Variants in FBXO42 observed in about 807,000 individuals in gnomAD.
The protein encoded by FBXO42 is F-box only protein 42.
In FBXO42, 12 loss-of-function variants were observed where a neutral mutation model predicts 71.7. That is an observed-to-expected ratio of 0.17 (90% CI 0.11 to 0.27). FBXO42 has a LOEUF of 0.27. FBXO42 is among the 10% of genes least tolerant of loss of function. The pLI, the probability that FBXO42 is intolerant of heterozygous loss-of-function variation, is 1.00. For synonymous variants in FBXO42, 325 were observed against 327.5 expected, an observed-to-expected ratio of 0.99 and a Z score of 0.08; for missense variants, 707 against 911.9, an observed-to-expected ratio of 0.78 and a Z score of 2.89.
rs1316914080 is a variant in FBXO42, at chr1:16,252,911, C to T, written c.921+185G>A. On this transcript the variant is annotated intron_variant, in intron 8 of 9. Coordinates refer to ENST00000375592, the MANE Select transcript of FBXO42 (RefSeq NM_018994.3). This position sits in a 1 kb window ranked among gnomAD's most constrained non-coding sequence, Gnocchi z 4.4. ...ACAAATATCTATGATTAAAAGGATC[C>T]CCCCACAACCCTAAAAAAAAGCAGA... 6.6e-6 allele frequency among the ~76,000 whole-genome samples: 1 copy of T among 151,734 alleles called. No homozygotes were observed. Among genetic ancestry groups the T allele is most frequent in the African/African-American group, 2.4e-5 (1 of 41,272 alleles).
intron 6 of FBXO42, 69 bp downstream of exon 6, chr1:16,255,642 A>G: frequency 1.5e-6 from 2 of 1,342,850 alleles, no homozygotes; most frequent in Non-Finnish European, 1.0e-6. Context: ...TCCCTAATTC[A>G]CTTTTAAACC....
chr1:16,271,259 GT>G (rs1267884469), intron 4 of FBXO42, among the ~76,000 whole-genome samples: 91 of 3,196 alleles, frequency 0.028, no homozygotes, highest in Admixed American at 0.18. Flanking sequence ...GTGTGTGTTG[GT>G]GTGTGTGTGT....
chr1:16,335,963 C>T (rs1168597526), intron 1 of FBXO42, among the ~76,000 whole-genome samples: 1 of 151,680 alleles, frequency 6.6e-6, no homozygotes, highest in Non-Finnish European at 1.5e-5. Context: ...TGGAGTTTCG[C>T]TCTTGTTGCC....
At chr1:16,289,581 G>C (rs911052194) in intron 4 of FBXO42, among the ~76,000 whole-genome samples, 8 of 152,052 alleles carry the variant, frequency 5.3e-5, no homozygotes, top group Non-Finnish European at 1.0e-4. Context: ...TCTGCTTTAA[G>C]CTCCTCTAAC....
intron 1 of FBXO42, among the ~76,000 whole-genome samples, chr1:16,317,143 C>T (rs962626491): frequency 2.0e-5 from 3 of 151,136 alleles, no homozygotes; most frequent in African/African-American, 7.3e-5. Context: ...TTAGGCCGGG[C>T]GCAGTGGCTC....
At position 16,246,863 on chromosome 1, in the gene FBXO42, T is replaced by G. The variant is rs1218181151; in HGVS notation, c.*3807A>C. 2 of 152,208 alleles carry G rather than the reference T, an allele frequency of 1.3e-5. No individual in the cohort carries two copies. The highest frequency in any genetic ancestry group is 2.9e-5 in the Non-Finnish European group (2 of 68,040). 9.4% of individuals were successfully genotyped at this position (152,208 alleles called of 1,614,324 possible). On this transcript the variant is annotated 3_prime_UTR_variant, in exon 10 of 10. Coordinates refer to ENST00000375592, the MANE Select transcript of FBXO42 (RefSeq NM_018994.3). ...AGTTAAGACAATTGTCCATTTTATTTGTTAAATTGCTAAAAAGTCATCAGG... is the reference window on the plus strand; with the variant it reads ...AGTTAAGACAATTGTCCATTTTATTGGTTAAATTGCTAAAAAGTCATCAGG...
intron 2 of FBXO42, 99 bp from the exon 3 acceptor site, chr1:16,306,018 G>GT: frequency 1.1e-6 from 1 of 905,078 alleles, no homozygotes. Flanking sequence ...TTTTATACAA[G>GT]TTTCTTTTTT....
chr1:16,286,054 T>G (rs753611657), intron 4 of FBXO42, among the ~76,000 whole-genome samples: 1 of 151,956 alleles, frequency 6.6e-6, no homozygotes, highest in Non-Finnish European at 1.5e-5. Context: ...CAGCTAATTT[T>G]TTTTTTAATT....
intron 1 of FBXO42, among the ~76,000 whole-genome samples, chr1:16,342,321 G>A (rs1045069636): frequency 2.6e-5 from 4 of 151,294 alleles, no homozygotes; most frequent in African/African-American, 7.3e-5. Context: ...GCTTGAACCT[G>A]GGAGGCGGAG....
intron 4 of FBXO42, among the ~76,000 whole-genome samples, chr1:16,277,453 G>T (rs1444680306): frequency 6.6e-6 from 1 of 151,902 alleles, no homozygotes; most frequent in Admixed American, 6.6e-5. Flanking sequence ...GGCTGGGCAT[G>T]GTGGCTAATG....
At chr1:16,338,804 CTTTTTTTT>C (rs71574177) in intron 1 of FBXO42, among the ~76,000 whole-genome samples, 52 of 80,990 alleles carry the variant, frequency 6.4e-4, no homozygotes, top group African/African-American at 2.2e-3. Flanking sequence ...TTCCATTTGT[CTTTTTTTT>C]TTTTTTTTTT....
intron 8 of FBXO42, 82 bp downstream of exon 8, chr1:16,253,014 A>G: frequency 3.3e-6 from 4 of 1,198,750 alleles, no homozygotes; most frequent in Non-Finnish European, 4.8e-6. Flanking sequence ...AGTCTTGTAT[A>G]CTCCTAGAAA....
rs1158421632 is a variant in FBXO42 at position 16,323,794 on chromosome 1, C to CAAA, written c.-17-8362_-17-8360dup. 8.0e-3 allele frequency among the ~76,000 whole-genome samples: 503 copies of CAAA among 63,198 alleles called. 14 individuals carry two copies. The highest frequency in any genetic ancestry group is 0.031 in the African/African-American group (443 of 14,370). 41.5% of individuals were successfully genotyped at this position (63,198 alleles called of 152,430 possible). On this transcript the variant is annotated intron_variant, in intron 1 of 9. Transcript: ENST00000375592. Reference sequence around the variant, plus strand: ...GAGGTGACAAAGCAAGACTCTGTCTCAAAAAAAAAAAAAAAAAAAAAAAAG... The same window carrying CAAA: ...GAGGTGACAAAGCAAGACTCTGTCTCAAAAAAAAAAAAAAAAAAAAAAAAAAAG...
At chr1:16,335,063 CAAAAAAA>C (rs55983316) in intron 1 of FBXO42, among the ~76,000 whole-genome samples, 36 of 69,024 alleles carry the variant, frequency 5.2e-4, no homozygotes, top group African/African-American at 1.1e-3. Context: ...CTCGTCTGTA[CAAAAAAA>C]AAAAAAAAAA....
chr1:16,254,844 G>A (rs1165737017), intron 6 of FBXO42, among the ~76,000 whole-genome samples: 1 of 152,214 alleles, frequency 6.6e-6, no homozygotes, highest in Non-Finnish European at 1.5e-5. Context: ...AGGACAGGAG[G>A]TAGGGACAAT....
chr1:16,315,094 A>T (rs1045457912), intron 2 of FBXO42, 75 bp downstream of exon 2: 1 of 1,505,478 alleles, frequency 6.6e-7, no homozygotes, highest in Non-Finnish European at 8.9e-7. Flanking sequence ...GGAGGAAAAA[A>T]ACTAAATTTG....
chr1:16,303,417 T>C (rs2082217091), intron 3 of FBXO42, among the ~76,000 whole-genome samples: 1 of 152,184 alleles, frequency 6.6e-6, no homozygotes, highest in African/African-American at 2.4e-5. Flanking sequence ...TTATACTGCT[T>C]TTCAGTGATG....
Position 16,337,883 on chromosome 1 carries a change from C to CAA in FBXO42, c.-18+14370_-18+14371dup, listed in dbSNP as rs60328879. On this transcript the variant is annotated intron_variant, in intron 1 of 9. Coordinates refer to ENST00000375592, the MANE Select transcript of FBXO42 (RefSeq NM_018994.3). ...TGGGAGAAAGAGCGAGACTCCGTCTCAAAAAAAAAAAAAAAAAAAAAAAAA... is the reference window on the plus strand; with the variant it reads ...TGGGAGAAAGAGCGAGACTCCGTCTCAAAAAAAAAAAAAAAAAAAAAAAAAAA... Among the ~76,000 whole-genome samples the CAA allele has an allele frequency of 4.3e-3, 166 of 38,848 alleles. 15 individuals carry two copies. Among genetic ancestry groups the CAA allele is most frequent in the African/African-American group, 0.011 (118 of 10,708 alleles). The allele number at this position is 38,848 out of a possible 152,430, so 25.5% of individuals were successfully genotyped here. A position where few individuals can be genotyped will look rare whatever the true frequency, so the allele number is the denominator to read the frequency against.
intron 1 of FBXO42, among the ~76,000 whole-genome samples, chr1:16,343,487 A>G (rs1271486171): frequency 6.6e-6 from 1 of 152,146 alleles, no homozygotes; most frequent in Admixed American, 6.6e-5. Flanking sequence ...GAGAGGTTGT[A>G]GTAAGCAGAG....
Sources: gnomAD v4.1 joint callset for allele counts (sites outside exome capture counted in the v4.1 genomes callset) on GRCh38, gnomAD v4.1.1 for gene constraint, Gnocchi (gnomAD v3.1) non-coding constraint, MANE v1.5 for transcripts, NCBI Gene and HGNC (gene_info 2026-07-23, HGNC 2026-07-21) for gene names.